The following TTC7A variants were observed in gnomAD, a reference collection of about 807,000 sequenced individuals.
TTC7A encodes tetratricopeptide repeat domain 7A, also known as tetratricopeptide repeat protein 7A.
In TTC7A, 110 loss-of-function variants were observed where a neutral mutation model predicts 103.7. The observed-to-expected ratio is 1.06, with a 90% confidence interval of 0.91 to 1.24. The LOEUF (loss-of-function observed/expected upper bound fraction) is 1.24, where lower values mean the gene tolerates loss of function less well. Ranked by LOEUF, TTC7A falls within the 50% of genes most tolerant of loss-of-function variation. The probability of loss-of-function intolerance (pLI) is 0.00; values close to 1 mark genes in which losing one functional copy is unlikely to be tolerated. For synonymous variants in TTC7A, 521 were observed against 467.9 expected (o/e 1.11, Z -1.47); for missense variants, 1,340 against 1,116.3 (o/e 1.20, Z -2.86).
At chr2:47,055,358 CCTCCT>C (rs1683228453) in intron 18 of TTC7A, among the ~76,000 whole-genome samples, 3 of 152,304 alleles carry the variant, frequency 2.0e-5, no homozygotes, top group East Asian at 3.9e-4. Flanking sequence ...CAACTCTTGC[CCTCCT>C]CTCCTCCCTT....
chr2:46,966,326 ACT>A (rs1672842283), intron 3 of TTC7A, among the ~76,000 whole-genome samples: 2 of 152,084 alleles, frequency 1.3e-5, no homozygotes, highest in South Asian at 4.1e-4. Flanking sequence ...ATTATTAGTA[ACT>A]CTATTTTGTA....
At chr2:47,012,630 G>C (rs1021913588) in intron 11 of TTC7A, among the ~76,000 whole-genome samples, 1 of 152,210 alleles carries the variant, frequency 6.6e-6, no homozygotes, top group Admixed American at 6.5e-5. Flanking sequence ...ATTCTGGGGA[G>C]GGAGGCAATG....
intron 11 of TTC7A, among the ~76,000 whole-genome samples, chr2:47,016,429 C>T (rs1013133213): frequency 4.6e-5 from 7 of 152,218 alleles, no homozygotes; most frequent in African/African-American, 1.7e-4. Context: ...TGCTGTGAAA[C>T]ACCAATGCCA....
intron 2 of TTC7A, among the ~76,000 whole-genome samples, chr2:46,927,884 GTTTTTTTTT>G (rs566447236): frequency 5.3e-4 from 39 of 73,306 alleles, no homozygotes; most frequent in African/African-American, 2.1e-3. Context: ...TTTTTTTGGT[GTTTTTTTTT>G]TTTTTTTTTT....
At chr2:46,998,931 A>C (rs139601379) in intron 8 of TTC7A, among the ~76,000 whole-genome samples, 151 of 152,346 alleles carry the variant, frequency 9.9e-4, no homozygotes, top group Non-Finnish European at 1.9e-3. Context: ...AGGATATAAG[A>C]TATAACTGGT....
chr2:46,971,236 G>C lies in TTC7A; in HGVS notation c.518-3737G>C, dbSNP rs371720827. On this transcript the variant is annotated intron_variant, in intron 3 of 19. Transcript: ENST00000319190. ...AAATGGTGAGTCAGGAATATGTATA[G>C]ACTGGGGCTTAAAGGAGGAATGTTT... Among the ~76,000 whole-genome samples, 8 of 152,364 alleles carry C rather than the reference G, an allele frequency of 5.3e-5. No individual in the cohort carries two copies. The South Asian group carries it at 1.0e-3, about 20-fold the overall frequency.
chr2:46,987,367 G>A (rs1276959249), intron 5 of TTC7A, among the ~76,000 whole-genome samples: 2 of 152,200 alleles, frequency 1.3e-5, no homozygotes, highest in Non-Finnish European at 2.9e-5. Flanking sequence ...AACAGCTCTA[G>A]GGGTGAAGCA....
chr2:47,006,281 G>C (rs967085416), intron 9 of TTC7A, among the ~76,000 whole-genome samples: 4 of 152,336 alleles, frequency 2.6e-5, no homozygotes, highest in African/African-American at 9.6e-5. Context: ...CATGTGAAAG[G>C]CTGAGAACAG....
At chr2:46,958,516 G>C (rs1489467732) in intron 3 of TTC7A, 2 of 1,304,274 alleles carry the variant, frequency 1.5e-6, no homozygotes, top group Non-Finnish European at 2.0e-6. Flanking sequence ...CTTCTTGGGG[G>C]AACACAGTCC....
At chr2:47,010,148 T>G (rs1328708048) in intron 10 of TTC7A, among the ~76,000 whole-genome samples, 1 of 152,108 alleles carries the variant, frequency 6.6e-6, no homozygotes, top group Non-Finnish European at 1.5e-5. Flanking sequence ...TTAAATCACT[T>G]GGTATTTAAA....
At chr2:46,951,779 G>T (rs972222439) in intron 2 of TTC7A, 29 of 407,994 alleles carry the variant, frequency 7.1e-5, no homozygotes, top group Middle Eastern at 7.0e-4. Context: ...CGTACTGTGT[G>T]CAAGGCATTG....
chr2:47,058,296 G>C (rs188629490), intron 18 of TTC7A, among the ~76,000 whole-genome samples: 2 of 152,330 alleles, frequency 1.3e-5, no homozygotes, highest in African/African-American at 4.8e-5. Flanking sequence ...CTCCACTAGA[G>C]AAAAACCAGA....
intron 8 of TTC7A, among the ~76,000 whole-genome samples, chr2:46,999,044 G>A (rs17540504): frequency 0.098 from 14,964 of 151,924 alleles, 852 homozygotes; most frequent in Admixed American, 0.14. Context: ...ATCGATCACC[G>A]ACCCACTTTA....
intron 19 of TTC7A, among the ~76,000 whole-genome samples, chr2:47,062,172 G>A (rs1204738725): frequency 2.0e-5 from 3 of 152,242 alleles, no homozygotes; most frequent in African/African-American, 7.2e-5. Flanking sequence ...CACATACTCA[G>A]TAATCATCTG....
chr2:47,054,240 ATTTC>A (rs1287763868), intron 18 of TTC7A: 3 of 870,768 alleles, frequency 3.4e-6, no homozygotes, highest in African/African-American at 2.1e-5. Flanking sequence ...GTGGGTGCTT[ATTTC>A]TTTCTCATGT....
intron 3 of TTC7A, among the ~76,000 whole-genome samples, chr2:46,960,086 G>T (rs577448554): frequency 6.6e-6 from 1 of 152,296 alleles, no homozygotes; most frequent in East Asian, 1.9e-4. Flanking sequence ...TCACACATGT[G>T]CTCAGACTGA....
chr2:47,038,907 AG>A (rs1017666290), intron 15 of TTC7A, among the ~76,000 whole-genome samples: 1 of 152,126 alleles, frequency 6.6e-6, no homozygotes, highest in African/African-American at 2.4e-5. Flanking sequence ...ATATGAGAGC[AG>A]GCACCAAGGA....
intron 17 of TTC7A, among the ~76,000 whole-genome samples, chr2:47,051,088 A>C (rs1024081016): frequency 6.6e-6 from 1 of 152,238 alleles, no homozygotes; most frequent in Non-Finnish European, 1.5e-5. Context: ...TTGAGCTGCT[A>C]TCCAGTCCTT....
intron 14 of TTC7A, among the ~76,000 whole-genome samples, chr2:47,026,229 C>T (rs960812710): frequency 2.0e-5 from 3 of 152,144 alleles, no homozygotes; most frequent in Admixed American, 6.5e-5. Context: ...TCTGGCTGGC[C>T]GGCACAGTGA....
Sources: gnomAD v4.1 joint callset for allele counts (sites outside exome capture counted in the v4.1 genomes callset) on GRCh38, gnomAD v4.1.1 for gene constraint, MANE v1.5 for transcripts, NCBI Gene and HGNC (gene_info 2026-07-23, HGNC 2026-07-21) for gene names.